EXOSC9: variants seen among roughly 807,000 people sequenced by gnomAD.
EXOSC9 encodes exosome complex component RRP45.
Under a neutral mutation model 56.5 loss-of-function variants are expected in EXOSC9, and 38 were observed. The ratio of observed to expected loss-of-function variants is 0.67; its 90% CI spans 0.52 to 0.88. EXOSC9 has a LOEUF of 0.88. EXOSC9 is among the 40% of genes least tolerant of loss of function. The pLI, the probability that EXOSC9 is intolerant of heterozygous loss-of-function variation, is 0.00. For missense variants in EXOSC9, 559 were observed against 530.5 expected (o/e 1.05, Z -0.53); for synonymous variants, 170 against 170.8 (o/e 0.99, Z 0.04).
intron 5 of EXOSC9, among the ~76,000 whole-genome samples, chr4:121,805,623 T>G (rs2149035167): frequency 6.6e-6 from 1 of 152,064 alleles, no homozygotes; most frequent in East Asian, 1.9e-4. Flanking sequence ...TATAAGGAAG[T>G]GAAAAAAAGT....
chr4:121,806,843 G>T (rs537922954), intron 5 of EXOSC9, among the ~76,000 whole-genome samples: 18 of 152,098 alleles, frequency 1.2e-4, no homozygotes, highest in Non-Finnish European at 1.3e-4. Flanking sequence ...ATTCCTTGGG[G>T]CTAGGGTGGG....
intron 7 of EXOSC9, 137 bp from the exon 8 acceptor site, chr4:121,811,446 C>T: frequency 2.1e-6 from 1 of 483,774 alleles, no homozygotes; most frequent in Non-Finnish European, 3.7e-6. Context: ...TTGCCTTAAT[C>T]TGTGTTTACA....
intron 8 of EXOSC9, among the ~76,000 whole-genome samples, chr4:121,812,142 A>G (rs2149038289): frequency 6.6e-6 from 1 of 152,332 alleles, no homozygotes; most frequent in East Asian, 1.9e-4. Context: ...GCTGGCATCA[A>G]ACCCACTTAT....
chr4:121,809,923 A>C, intron 6 of EXOSC9, 44 bp from the exon 7 acceptor site: 1 of 1,611,308 alleles, frequency 6.2e-7, no homozygotes, highest in Non-Finnish European at 8.5e-7. Context: ...AATGGTAAGC[A>C]TTCGGTCTCA....
chr4:121,802,048 G>A (rs996995231), intron 2 of EXOSC9, 127 bp downstream of exon 2: 3 of 689,796 alleles, frequency 4.3e-6, no homozygotes, highest in Non-Finnish European at 7.4e-6. Flanking sequence ...ACAAAAATAA[G>A]TATTTTTTTA....
chr4:121,813,436 A>G, intron 9 of EXOSC9, 56 bp downstream of exon 9: 9 of 1,451,706 alleles, frequency 6.2e-6, no homozygotes, highest in Non-Finnish European at 8.6e-6. Context: ...TGGCATTATA[A>G]TATTAGGCTA....
chr4:121,801,964 T>G (rs1417961518), intron 2 of EXOSC9, 43 bp downstream of exon 2: 1 of 1,347,680 alleles, frequency 7.4e-7, no homozygotes, highest in East Asian at 2.3e-5. Context: ...AGGGAGAAGT[T>G]TGAAAAAAGA....
chr4:121,807,544 C>CAA lies in EXOSC9; in HGVS notation c.528_529insAA (p.Pro177AsnfsTer10), dbSNP rs868708028. The CAA allele has an allele frequency of 6.2e-7, 1 of 1,603,358 alleles. No individual in the cohort carries two copies. The highest frequency in any genetic ancestry group is 8.5e-7 in the Non-Finnish European group (1 of 1,170,504). ...AAACATTTTCTTTTGAAACAGTATA[C>CAA]ACCTGAAGAGCGTGATCCTGTACCA... On this transcript the variant is annotated frameshift_variant, in exon 6 of 12. Transcript: ENST00000243498. LOFTEE classifies it high-confidence loss of function.
chr4:121,809,926 C>T lies in EXOSC9; in HGVS notation c.606-41C>T, dbSNP rs370668732. 9.6e-5 allele frequency: 155 copies of T among 1,610,658 alleles called. No individual in the cohort carries two copies. In the Middle Eastern group the frequency reaches 9.9e-4, roughly 10 times the overall value. ...CATTACCCAAGAAATGGTAAGCATT[C>T]GGTCTCAGATTTGTTCAGGTCCATT... On this transcript the variant is annotated intron_variant, in intron 6 of 11. Coordinates refer to ENST00000243498, the MANE Select transcript of EXOSC9 (RefSeq NM_005033.3).
At chr4:121,816,101 A>G (rs1260402456) in intron 10 of EXOSC9, 2 of 637,922 alleles carry the variant, frequency 3.1e-6, no homozygotes, top group Admixed American at 3.0e-5. Flanking sequence ...GCCTACAAGC[A>G]CATGCCACCA....
At chr4:121,806,173 A>C (rs1022091748) in intron 5 of EXOSC9, among the ~76,000 whole-genome samples, 1 of 148,956 alleles carries the variant, frequency 6.7e-6, no homozygotes. Flanking sequence ...TTCTTTTGAG[A>C]CAAAGTTTCA....
At chr4:121,813,188 T>TA (rs1440942078) in intron 8 of EXOSC9, 46 bp from the exon 9 acceptor site, 1 of 1,563,548 alleles carries the variant, frequency 6.4e-7, no homozygotes, top group East Asian at 2.3e-5. Context: ...TCCAATCTGT[T>TA]ACCTTCCTCC....
At chr4:121,816,516 T>A in intron 11 of EXOSC9, 69 bp downstream of exon 11, 1 of 1,042,108 alleles carries the variant, frequency 9.6e-7, no homozygotes, top group Non-Finnish European at 1.4e-6. Flanking sequence ...GCTCTCTGGT[T>A]TTACTCTCAT....
chr4:121,807,756 T>C (rs947970770), intron 6 of EXOSC9, 134 bp downstream of exon 6: 2 of 623,602 alleles, frequency 3.2e-6, no homozygotes, highest in Non-Finnish European at 5.8e-6. Context: ...CTTTCTTTCT[T>C]TGTAAGGGCA....
intron 10 of EXOSC9, chr4:121,815,374 ATTTTCAACTGAATAT>A: frequency 1.0e-6 from 1 of 980,588 alleles, no homozygotes; most frequent in East Asian, 1.1e-4. Flanking sequence ...AGTGAATAAT[ATTTTCAACTGAATAT>A]AATGAAGGTG....
chr4:121,810,044 A>C lies in EXOSC9; in HGVS notation c.683A>C (p.His228Pro). Residue 228 changes from histidine (H) to proline (P), a missense_variant, in exon 7 of 12, where the codon CAT (histidine) becomes CCT (proline). Transcript: ENST00000243498. ...TTGCTGGTGATTGCCATGAACAAACATCGAGAGATTTGTACTATCCAGTCC... is the reference window on the plus strand; with the variant it reads ...TTGCTGGTGATTGCCATGAACAAACCTCGAGAGATTTGTACTATCCAGTCC... ...DGLLVIAMNK[H>P]REICTIQSSG... 1 of 1,613,600 alleles carries C rather than the reference A, an allele frequency of 6.2e-7. No individual in the cohort carries two copies.
At chr4:121,804,078 G>A (rs996259777) in intron 4 of EXOSC9, among the ~76,000 whole-genome samples, 1 of 151,966 alleles carries the variant, frequency 6.6e-6, no homozygotes, top group Admixed American at 6.6e-5. Flanking sequence ...ATAGCTCACT[G>A]TAATCTTAAA....
intron 2 of EXOSC9, among the ~76,000 whole-genome samples, chr4:121,802,229 T>C (rs1726889498): frequency 6.6e-6 from 1 of 152,224 alleles, no homozygotes; most frequent in South Asian, 2.1e-4. Flanking sequence ...CATCTTGTCA[T>C]TAAGTGTACA....
rs771367001 is a variant in EXOSC9, at chr4:121,802,774, C to G, written c.262C>G (p.Pro88Ala). The G allele has an allele frequency of 1.2e-6, 2 of 1,614,092 alleles. No individual in the cohort carries two copies. Among genetic ancestry groups the G allele is most frequent in the South Asian group, 1.1e-5 (1 of 91,062 alleles). ...FNLELSQMAA[P>A]AFEPGRQSDL... ...CCTTGAACTCTCTCAGATGGCCGCT[C>G]CAGCTTTCGAACCTGGCAGGTATTT... The change falls in exon 3 of 12, where the codon CCA becomes GCA. Residue 88 changes from proline (P) to alanine (A), a missense_variant. By Grantham distance (27) the Pro-to-Ala change is conservative (BLOSUM62 -1). Coordinates refer to ENST00000243498, the MANE Select transcript of EXOSC9 (RefSeq NM_005033.3).
Sources: allele counts gnomAD v4.1 joint callset (sites outside exome capture counted in the v4.1 genomes callset), GRCh38; gene constraint gnomAD v4.1.1; transcripts MANE v1.5; gene names NCBI Gene and HGNC (gene_info 2026-07-23, HGNC 2026-07-21).